CEP128: variants seen among roughly 807,000 people sequenced by gnomAD.
CEP128 encodes centrosomal protein 128kDa.
Under a neutral mutation model 156.7 loss-of-function variants are expected in CEP128, and 132 were observed. The observed-to-expected ratio is 0.84, with a 90% CI of 0.73 to 0.97. The LOEUF is 0.97. CEP128 is among the 50% of genes least tolerant of loss of function. CEP128 has a pLI of 0.00. For synonymous variants in CEP128, 469 were observed against 448.9 expected (o/e 1.04, Z -0.57); for missense variants, 1,252 against 1,281.9 (o/e 0.98, Z 0.36).
chr14:80,773,416 G>C (rs949747760), intron 16 of CEP128, among the ~76,000 whole-genome samples: 1 of 151,892 alleles, frequency 6.6e-6, no homozygotes. Context: ...AACATATGCA[G>C]TATATAAAAA....
At chr14:80,740,542 A>T (rs998037905) in intron 19 of CEP128, among the ~76,000 whole-genome samples, 1 of 147,520 alleles carries the variant, frequency 6.8e-6, no homozygotes, top group African/African-American at 2.5e-5. Flanking sequence ...AGATAGATAG[A>T]TAGACAGACA....
intron 2 of CEP128, among the ~76,000 whole-genome samples, chr14:80,956,130 C>T (rs555121709): frequency 6.6e-6 from 1 of 152,344 alleles, no homozygotes; most frequent in East Asian, 1.9e-4. Flanking sequence ...CAACAAGCTG[C>T]TATTCAGCAC....
chr14:80,906,824 A>G (rs1469084329), intron 4 of CEP128, among the ~76,000 whole-genome samples: 1 of 152,046 alleles, frequency 6.6e-6, no homozygotes, highest in Non-Finnish European at 1.5e-5. Context: ...GACCCAAGGG[A>G]AAAAAAATTA....
intron 8 of CEP128, among the ~76,000 whole-genome samples, chr14:80,879,250 T>C (rs1380443519): frequency 1.3e-5 from 2 of 152,046 alleles, no homozygotes; most frequent in Non-Finnish European, 2.9e-5. Flanking sequence ...TACCACCAGA[T>C]AGGCAGAAAT....
At chr14:80,541,174 G>T (rs1370930792) in intron 21 of CEP128, among the ~76,000 whole-genome samples, 2 of 152,036 alleles carry the variant, frequency 1.3e-5, no homozygotes, top group Admixed American at 1.3e-4. Flanking sequence ...CAGGAAAATG[G>T]GAAAACAGTA....
At chr14:80,632,232 C>T (rs890491229) in intron 19 of CEP128, among the ~76,000 whole-genome samples, 1 of 151,798 alleles carries the variant, frequency 6.6e-6, no homozygotes, top group South Asian at 2.1e-4. Context: ...CTAAATAATA[C>T]ATTGTTTCAT....
chr14:80,486,251 C>T (rs1887162432), downstream of CEP128, among the ~76,000 whole-genome samples: 1 of 151,894 alleles, frequency 6.6e-6, no homozygotes, highest in African/African-American at 2.4e-5. Flanking sequence ...ATGTGATCAA[C>T]TGGAAGAAAG....
intron 19 of CEP128, among the ~76,000 whole-genome samples, chr14:80,646,458 T>C (rs754068720): frequency 6.6e-6 from 1 of 151,924 alleles, no homozygotes; most frequent in Admixed American, 6.6e-5. Context: ...AAAAGGATCA[T>C]AACTATTAAG....
intron 13 of CEP128, among the ~76,000 whole-genome samples, chr14:80,817,904 C>T (rs1884958435): frequency 6.6e-6 from 1 of 151,282 alleles, no homozygotes; most frequent in African/African-American, 2.4e-5. Flanking sequence ...CACTTGAAAG[C>T]CCCAAAAGTG....
chr14:80,825,145 A>G (rs980119270), intron 13 of CEP128, among the ~76,000 whole-genome samples: 7 of 152,214 alleles, frequency 4.6e-5, no homozygotes, highest in African/African-American at 1.7e-4. Flanking sequence ...CCATGATTCA[A>G]TAATTACCTC....
At position 80,715,224 on chromosome 14, in the gene CEP128, GA is replaced by G. The variant is rs35261659; in HGVS notation, c.2806+27850del. ...GGTGACAGAACAAGATCCTGCCTCA[GA>G]AAAAAAAAAGGAATTATAATAAAAT... is the stretch of plus-strand genomic sequence containing the variant. On this transcript the variant is annotated intron_variant, in intron 19 of 24. Transcript: ENST00000555265. Among the ~76,000 whole-genome samples, 354 of 145,128 alleles carry G rather than the reference GA, an allele frequency of 2.4e-3. 5 individuals carry two copies. Among genetic ancestry groups the G allele is most frequent in the African/African-American group, 8.4e-3 (333 of 39,802 alleles).
At chr14:80,513,771 T>A (rs1174452914) in intron 23 of CEP128, among the ~76,000 whole-genome samples, 1 of 152,192 alleles carries the variant, frequency 6.6e-6, no homozygotes, top group African/African-American at 2.4e-5. Context: ...GGCATAACAG[T>A]ACAACACAAG....
intron 8 of CEP128, among the ~76,000 whole-genome samples, chr14:80,882,301 T>C (rs1888591184): frequency 6.6e-6 from 1 of 151,844 alleles, no homozygotes; most frequent in South Asian, 2.1e-4. Flanking sequence ...GGCATACAAA[T>C]GGCAAGCAGG....
At chr14:80,938,791 T>A (rs2114702) in intron 2 of CEP128, among the ~76,000 whole-genome samples, 48,627 of 151,924 alleles carry the variant, frequency 0.32, 8,171 homozygotes, top group African/African-American at 0.41. Context: ...ATATTTTTTT[T>A]AAAAAACTAA....
intron 19 of CEP128, among the ~76,000 whole-genome samples, chr14:80,735,433 G>A (rs1335276660): frequency 6.6e-6 from 1 of 152,076 alleles, no homozygotes; most frequent in South Asian, 2.1e-4. Context: ...ATATTTCAAG[G>A]TTAATACAGT....
At chr14:80,863,159 A>C (rs1887601587) in intron 8 of CEP128, among the ~76,000 whole-genome samples, 1 of 152,204 alleles carries the variant, frequency 6.6e-6, no homozygotes, top group Non-Finnish European at 1.5e-5. Flanking sequence ...TCAGAGTTAA[A>C]AGTAATACAC....
intron 19 of CEP128, among the ~76,000 whole-genome samples, chr14:80,674,076 T>TC (rs1471843778): frequency 5.9e-5 from 9 of 151,816 alleles, no homozygotes; most frequent in Non-Finnish European, 1.0e-4. Flanking sequence ...TTCATAGTTT[T>TC]TTTTTTTCAT....
At chr14:80,628,663 C>T in intron 19 of CEP128, among the ~76,000 whole-genome samples, 1 of 152,132 alleles carries the variant, frequency 6.6e-6, no homozygotes, top group Non-Finnish European at 1.5e-5. Context: ...GGACAAATGA[C>T]TGAAACCTGG....
intron 19 of CEP128, among the ~76,000 whole-genome samples, chr14:80,682,035 G>A (rs1316087995): frequency 6.6e-6 from 1 of 152,118 alleles, no homozygotes; most frequent in African/African-American, 2.4e-5. Context: ...TTGAACCTAG[G>A]AGATCAAACA....
Sources: allele counts gnomAD v4.1 joint callset (sites outside exome capture counted in the v4.1 genomes callset), GRCh38; gene constraint gnomAD v4.1.1; transcripts MANE v1.5; gene names NCBI Gene and HGNC (gene_info 2026-07-23, HGNC 2026-07-21).